DENND1B: variants seen among roughly 807,000 people sequenced by gnomAD.
DENND1B encodes the protein DENN domain containing 1B.
A neutral mutation model predicts 90.1 loss-of-function variants in DENND1B; 59 were observed. That is an observed-to-expected ratio of 0.65 (90% CI 0.53 to 0.81). The LOEUF (loss-of-function observed/expected upper bound fraction) is 0.81. Among genes scored for constraint, DENND1B ranks in the 40% least tolerant of loss-of-function variants. The pLI, the probability that DENND1B is intolerant of heterozygous loss-of-function variation, is 0.00. For missense variants in DENND1B, 862 were observed against 912.6 expected (o/e 0.94, Z 0.71); for synonymous variants, 337 against 324.6 (o/e 1.04, Z -0.41).
chr1:197,544,901 GAA>G (rs1670634568), intron 18 of DENND1B, among the ~76,000 whole-genome samples: 7 of 143,684 alleles, frequency 4.9e-5, no homozygotes, highest in Admixed American at 1.4e-4. Context: ...AGAAGAAGAA[GAA>G]AGAAGAAGAA....
At chr1:197,767,260 A>G (rs1269089586) in intron 2 of DENND1B, among the ~76,000 whole-genome samples, 2 of 152,058 alleles carry the variant, frequency 1.3e-5, no homozygotes, top group Non-Finnish European at 2.9e-5. Flanking sequence ...CATATTAAAC[A>G]TATCTATAAT....
At chr1:197,576,237 T>C (rs1571939354) in intron 15 of DENND1B, among the ~76,000 whole-genome samples, 1 of 152,118 alleles carries the variant, frequency 6.6e-6, no homozygotes, top group African/African-American at 2.4e-5. Context: ...AAACCTGACA[T>C]TGTGAAATGT....
intron 20 of DENND1B, among the ~76,000 whole-genome samples, chr1:197,519,148 T>G (rs1299246631): frequency 6.6e-6 from 1 of 151,904 alleles, no homozygotes; most frequent in South Asian, 2.1e-4. Context: ...AGTACTCGAG[T>G]GTTTCTCTTT....
At chr1:197,731,765 T>C (rs2477059) in intron 2 of DENND1B, among the ~76,000 whole-genome samples, 45,555 of 152,012 alleles carry the variant, frequency 0.3, 7,096 homozygotes, top group Middle Eastern at 0.39. Context: ...TTTGGCCACA[T>C]TCAAAGCTGT....
In DENND1B at chr1:197,576,839, A is replaced by G. The variant is rs1309311509; in HGVS notation, c.1149+6313T>C. Among the ~76,000 whole-genome samples the G allele has an allele frequency of 2.0e-5, 3 of 152,086 alleles. No individual in the cohort carries two copies. The East Asian group carries it at 5.8e-4, about 29-fold the overall frequency. On this transcript the variant is annotated intron_variant, in intron 15 of 22. Transcript: ENST00000620048. ...GAGTTTTCCAATTTGAATCTTTATC[A>G]TTTTCCTCCCTGATAAGAGTTAGAA...
intron 10 of DENND1B, among the ~76,000 whole-genome samples, chr1:197,640,617 C>T (rs1203322004): frequency 1.3e-5 from 2 of 152,030 alleles, no homozygotes; most frequent in Non-Finnish European, 2.9e-5. Flanking sequence ...ATTAAGGCTA[C>T]TATTGCTCCT....
intron 2 of DENND1B, among the ~76,000 whole-genome samples, chr1:197,758,226 C>A (rs569071178): frequency 3.3e-5 from 5 of 152,268 alleles, no homozygotes; most frequent in Admixed American, 6.5e-5. Context: ...CTAATCACAG[C>A]GCAAAATACC....
At chr1:197,752,292 G>A (rs1033186599) in intron 2 of DENND1B, among the ~76,000 whole-genome samples, 1 of 152,042 alleles carries the variant, frequency 6.6e-6, no homozygotes, top group South Asian at 2.1e-4. Flanking sequence ...TAAAATTCCT[G>A]AATTTTGTTT....
chr1:197,523,529 G>A (rs1668923061), intron 20 of DENND1B, among the ~76,000 whole-genome samples: 2 of 152,142 alleles, frequency 1.3e-5, no homozygotes, highest in South Asian at 4.1e-4. Context: ...CTGCTTTGGA[G>A]GGGCAAAAAC....
At chr1:197,747,719 C>T (rs984257588) in intron 2 of DENND1B, among the ~76,000 whole-genome samples, 7 of 152,214 alleles carry the variant, frequency 4.6e-5, no homozygotes, top group African/African-American at 9.6e-5. Flanking sequence ...CAGCAAAAAG[C>T]AGGCATGCTT....
chr1:197,527,156 AT>A lies in DENND1B; in HGVS notation c.1515+12807del, dbSNP rs1385555942. Among the ~76,000 whole-genome samples the A allele has an allele frequency of 6.6e-5, 10 of 152,264 alleles. No individual in the cohort carries two copies. In the East Asian group the frequency reaches 1.7e-3, roughly 26 times the overall value. On this transcript the variant is annotated intron_variant, in intron 20 of 22. Transcript: ENST00000620048. ...CAATTTATAAATTATTGACATTAGTATTAATATAATTAGTCTACATATATCT... is the reference window on the plus strand; with the variant it reads ...CAATTTATAAATTATTGACATTAGTATAATATAATTAGTCTACATATATCT...
intron 2 of DENND1B, among the ~76,000 whole-genome samples, chr1:197,730,726 AT>A (rs1465310089): frequency 1.3e-5 from 2 of 152,090 alleles, no homozygotes; most frequent in African/African-American, 4.8e-5. Flanking sequence ...ATGCAGGAAA[AT>A]TAATCCTAAT....
At chr1:197,761,743 T>G (rs554641847) in intron 2 of DENND1B, 46 of 152,216 alleles carry the variant, frequency 3.0e-4, no homozygotes, top group Middle Eastern at 6.8e-3. Flanking sequence ...TCTGGAATCA[T>G]ATATATCTGC....
At position 197,509,880 on chromosome 1, in the gene DENND1B, GAGA is replaced by G. The variant is rs1280021152; in HGVS notation, c.*577_*579del. The G allele has an allele frequency of 6.6e-6, 1 of 152,038 alleles. No homozygotes were observed. The highest frequency in any genetic ancestry group is 1.5e-5 in the Non-Finnish European group (1 of 67,838). The allele number at this position is 152,038 out of a possible 1,614,324, so 9.4% of individuals were successfully genotyped here. ...TAAGCAAATTAAATATTTCCATTAA[GAGA>G]GCTTTTTAATCTTGAAAAGATGAAT... On this transcript the variant is annotated 3_prime_UTR_variant, in exon 23 of 23. Transcript: ENST00000620048.
At chr1:197,564,377 G>C (rs1014258182) in intron 15 of DENND1B, among the ~76,000 whole-genome samples, 1 of 100,194 alleles carries the variant, frequency 1.0e-5, no homozygotes, top group African/African-American at 3.8e-5. Flanking sequence ...TCAATACTGA[G>C]GCAAGAACCT....
intron 14 of DENND1B, among the ~76,000 whole-genome samples, chr1:197,585,468 T>C (rs1674615801): frequency 6.6e-6 from 1 of 152,220 alleles, no homozygotes; most frequent in African/African-American, 2.4e-5. Context: ...CTATGCTTTC[T>C]TAAGAGTTGG....
At chr1:197,665,158 A>G (rs1335850135) in intron 5 of DENND1B, among the ~76,000 whole-genome samples, 1 of 152,152 alleles carries the variant, frequency 6.6e-6, no homozygotes, top group African/African-American at 2.4e-5. Context: ...TGTATTAAAT[A>G]GGCCTAAATT....
At chr1:197,706,320 G>A (rs1359998990) in intron 3 of DENND1B, among the ~76,000 whole-genome samples, 5 of 152,174 alleles carry the variant, frequency 3.3e-5, no homozygotes, top group African/African-American at 1.2e-4. Context: ...AATAATGCGT[G>A]AAGCTAGTAG....
Position 197,766,885 on chromosome 1 carries a change from C to T in DENND1B, c.82+5983G>A, listed in dbSNP as rs142576809. Among the ~76,000 whole-genome samples the T allele has an allele frequency of 2.4e-3, 366 of 152,202 alleles. 6 individuals carry two copies. Among genetic ancestry groups the T allele is most frequent in the Non-Finnish European group, 5.3e-4 (36 of 68,020 alleles). ...GCTCACTGCAATCTCTCTCCGCCTCCTGGGTTCAAGTGATTCTCCTGCCTC... is the reference window on the plus strand; with the variant it reads ...GCTCACTGCAATCTCTCTCCGCCTCTTGGGTTCAAGTGATTCTCCTGCCTC... On this transcript the variant is annotated intron_variant, in intron 2 of 22. Coordinates refer to ENST00000620048, the MANE Select transcript of DENND1B (RefSeq NM_001195215.2).
Sources: allele counts gnomAD v4.1 joint callset (sites outside exome capture counted in the v4.1 genomes callset), GRCh38; gene constraint gnomAD v4.1.1; transcripts MANE v1.5; gene names NCBI Gene and HGNC (gene_info 2026-07-23, HGNC 2026-07-21).